TSKS: variants seen among roughly 807,000 people sequenced by gnomAD.
The protein encoded by TSKS is testis-specific serine kinase substrate.
TSKS carries 27 observed loss-of-function variants against 68.0 expected under a neutral mutation model. That is an observed-to-expected ratio of 0.40 (90% confidence interval 0.29 to 0.55). The LOEUF (loss-of-function observed/expected upper bound fraction) is 0.55. TSKS is among the 20% of genes least tolerant of loss of function. The pLI is 0.53. For missense variants in TSKS, 806 were observed against 776.0 expected, an observed-to-expected ratio of 1.04 and a Z score of -0.46; for synonymous variants, 331 against 340.4, an observed-to-expected ratio of 0.97 and a Z score of 0.30.
At chr19:49,745,160 C>G in intron 7 of TSKS, 42 bp downstream of exon 7, 1 of 1,522,188 alleles carries the variant, frequency 6.6e-7, no homozygotes. Context: ...TGGGATTGCC[C>G]TGCCCCTTCC....
intron 6 of TSKS, 41 bp from the exon 7 acceptor site, chr19:49,745,437 C>T (rs1600189275): frequency 6.9e-7 from 1 of 1,447,440 alleles, no homozygotes; most frequent in South Asian, 1.3e-5. Context: ...GGCTAGGCTT[C>T]AACAGGTCCC....
At chr19:49,742,895 T>G (rs2084263746) in intron 8 of TSKS, among the ~76,000 whole-genome samples, 1 of 152,120 alleles carries the variant, frequency 6.6e-6, no homozygotes, top group African/African-American at 2.4e-5. Context: ...CGATTTCATG[T>G]TGTACTGTGA....
chr19:49,758,838 C>T (rs1324226590), intron 2 of TSKS, among the ~76,000 whole-genome samples: 1 of 152,068 alleles, frequency 6.6e-6, no homozygotes, highest in Admixed American at 6.6e-5. Context: ...GAGGTTACTA[C>T]ACCACTGTCT....
chr19:49,756,846 G>T lies in TSKS; in HGVS notation c.399+5158C>A, dbSNP rs369868791. Among the ~76,000 whole-genome samples the T allele has an allele frequency of 2.6e-5, 4 of 152,086 alleles. No homozygotes were observed. In the East Asian group the frequency reaches 5.8e-4, roughly 22 times the overall value. On this transcript the variant is annotated intron_variant, in intron 2 of 10. Transcript: ENST00000246801. ...AGGCCGAGGCAGGTGGATCACCTGA[G>T]GTCAGGAGTTCAGGACCAGCCTGGC...
rs1368884285 is a variant in TSKS, at chr19:49,763,007, G to A, written c.170+71C>T. On this transcript the variant is annotated intron_variant, in intron 1 of 10. Coordinates refer to ENST00000246801, the MANE Select transcript of TSKS (RefSeq NM_021733.2). This position sits in a 1 kb window ranked among gnomAD's most constrained non-coding sequence, Gnocchi z 4.5. ...CCCTCCCCTTCCTCTAGCACCCACA[G>A]TCGGACTCCTGCTCTGTTGGAGGTA... 2.0e-6 allele frequency: 3 copies of A among 1,517,820 alleles called. No homozygotes were observed. The highest frequency in any genetic ancestry group is 5.0e-5 in the East Asian group (2 of 39,770). The allele number at this position is 1,517,820 out of a possible 1,614,324, so 94.0% of individuals were successfully genotyped here.
In TSKS at chr19:49,741,934, C is replaced by G; in HGVS notation, c.1448G>C (p.Gly483Ala). 1 of 1,614,198 alleles carries G rather than the reference C, an allele frequency of 6.2e-7. No homozygotes were observed. The highest frequency in any genetic ancestry group is 8.5e-7 in the Non-Finnish European group (1 of 1,180,048). The change falls in exon 9 of 11, where the codon GGC (glycine) becomes GCC (alanine). Residue 483 changes from glycine to alanine, a missense_variant. Coordinates refer to ENST00000246801, the MANE Select transcript of TSKS (RefSeq NM_021733.2). The stretch of plus-strand genomic sequence containing the variant: ...ACAGCTGGGACAGGCAGGAGTCAGG[C>G]CCCTCTGCTTCACCTCGTCCACTAG... ...TSLVDEVKQR[G>A]LTPACPSCQR...
At chr19:49,760,105 C>T (rs538406969) in intron 2 of TSKS, among the ~76,000 whole-genome samples, 98 of 151,924 alleles carry the variant, frequency 6.5e-4, no homozygotes, top group South Asian at 2.5e-3. Flanking sequence ...GAGCCAAGAT[C>T]GCACCACTGT....
At chr19:49,762,448 G>C (rs1233274263) in intron 1 of TSKS, among the ~76,000 whole-genome samples, 1 of 132,932 alleles carries the variant, frequency 7.5e-6, no homozygotes, top group Non-Finnish European at 1.6e-5. Context: ...TTTTGAGACA[G>C]AGTCTCACTC....
At chr19:49,759,265 T>A (rs2084419579) in intron 2 of TSKS, among the ~76,000 whole-genome samples, 1 of 150,222 alleles carries the variant, frequency 6.7e-6, no homozygotes, top group Non-Finnish European at 1.5e-5. Context: ...GGTCAAGAGA[T>A]CAAGACCATC....
Position 49,759,697 on chromosome 19 carries a change from C to T in TSKS, c.399+2307G>A, listed in dbSNP as rs189211513. Among the ~76,000 whole-genome samples, 475 of 147,944 alleles carry T rather than the reference C, an allele frequency of 3.2e-3. 3 individuals are homozygous for T. Among genetic ancestry groups the T allele is most frequent in the Non-Finnish European group, 5.5e-3 (371 of 67,074 alleles). On this transcript the variant is annotated intron_variant, in intron 2 of 10. Transcript: ENST00000246801. ...AGAAAAAAATTTGTTTAGCTGGGCA[C>T]GGTGGTGTACACCTGCAGTCCCAGC...
intron 10 of TSKS, 22 bp downstream of exon 10, chr19:49,740,037 T>A: frequency 1.2e-6 from 2 of 1,614,052 alleles, no homozygotes; most frequent in Non-Finnish European, 1.7e-6. Context: ...CCTCCTCCCA[T>A]GCCCTCAGCC....
intron 2 of TSKS, 117 bp from the exon 3 acceptor site, chr19:49,748,586 T>A: frequency 1.1e-6 from 1 of 948,680 alleles, no homozygotes. Context: ...CTGGAATGGC[T>A]ATGTGACTTG....
At chr19:49,749,196 ACTTGT>A (rs1221270783) in intron 2 of TSKS, among the ~76,000 whole-genome samples, 3 of 152,170 alleles carry the variant, frequency 2.0e-5, no homozygotes, top group African/African-American at 4.8e-5. Flanking sequence ...TGCACCAAGC[ACTTGT>A]CTTGTCTTTT....
chr19:49,739,974 T>C (rs1020977184), intron 10 of TSKS, 42 bp from the exon 11 acceptor site: 1 of 1,609,944 alleles, frequency 6.2e-7, no homozygotes, highest in Non-Finnish European at 8.5e-7. Context: ...CATGGCTAGG[T>C]GCTGGGGTGT....
chr19:49,755,915 C>T (rs556639201), intron 2 of TSKS, among the ~76,000 whole-genome samples: 12 of 152,068 alleles, frequency 7.9e-5, no homozygotes, highest in Non-Finnish European at 1.3e-4. Flanking sequence ...GCAGGAGAAT[C>T]GCTTGAACCT....
intron 2 of TSKS, among the ~76,000 whole-genome samples, chr19:49,761,398 G>C (rs939259389): frequency 1.3e-5 from 2 of 152,258 alleles, no homozygotes; most frequent in African/African-American, 2.4e-5. Context: ...TCATCTCTCA[G>C]TTTTGCCCCA....
chr19:49,746,744 C>T lies in TSKS; in HGVS notation c.718G>A (p.Glu240Lys), dbSNP rs772300861. The T allele has an allele frequency of 3.7e-6, 6 of 1,601,496 alleles. No homozygotes were observed. In the South Asian group the frequency reaches 4.4e-5, roughly 12 times the overall value. The change falls in exon 6 of 11, where the codon GAG (glutamate) becomes AAG (lysine). Residue 240 changes from glutamate to lysine, a missense_variant. Transcript: ENST00000246801. ...TCCTCCGGCTCCTGCAGCTCGGCCT[C>T]CTGCCGTCGCGGCGTCTCATCCTGC... ...QLQDETPRRQ[E>K]AELQEPEEKQ...
intron 8 of TSKS, among the ~76,000 whole-genome samples, chr19:49,743,327 C>T (rs531418678): frequency 1.3e-5 from 2 of 152,004 alleles, no homozygotes; most frequent in South Asian, 2.1e-4. Context: ...ATCTGCCCGT[C>T]TTGGCCTCCC....
chr19:49,749,513 G>A (rs977249630), intron 2 of TSKS, among the ~76,000 whole-genome samples: 7 of 152,166 alleles, frequency 4.6e-5, no homozygotes, highest in Admixed American at 2.6e-4. Context: ...GCACATGACT[G>A]CCCAACCAGA....
Sources: allele counts gnomAD v4.1 joint callset (sites outside exome capture counted in the v4.1 genomes callset), GRCh38; gene constraint gnomAD v4.1.1; non-coding constraint Gnocchi (gnomAD v3.1); transcripts MANE v1.5; gene names NCBI Gene and HGNC (gene_info 2026-07-23, HGNC 2026-07-21).